The following MCC variants were observed in gnomAD, a reference collection of about 807,000 sequenced individuals.
MCC encodes the protein MCC regulator of Wnt signaling pathway.
MCC carries 90 observed loss-of-function variants against 116.2 expected under a neutral mutation model. The ratio of observed to expected loss-of-function variants is 0.77; its 90% CI spans 0.65 to 0.92. The LOEUF (loss-of-function observed/expected upper bound fraction) is 0.92, where lower values mean the gene tolerates loss of function less well. Among genes scored for constraint, MCC ranks in the 40% least tolerant of loss-of-function variants. The pLI is 0.00. For missense variants in MCC, 1,516 were observed against 1,312.2 expected (o/e 1.16, Z -2.40); for synonymous variants, 578 against 510.5 (o/e 1.13, Z -1.78).
chr5:113,214,516 G>C (rs990963735), intron 3 of MCC, among the ~76,000 whole-genome samples: 1 of 152,154 alleles, frequency 6.6e-6, no homozygotes, highest in South Asian at 2.1e-4. Flanking sequence ...ATGTGTACTA[G>C]ATCATAGGAG....
intron 16 of MCC, among the ~76,000 whole-genome samples, chr5:113,045,846 T>C (rs954552200): frequency 4.0e-5 from 6 of 151,042 alleles, no homozygotes; most frequent in African/African-American, 1.2e-4. Flanking sequence ...AACACAGCCA[T>C]GGCCACTGGT....
In MCC at chr5:113,171,387, A is replaced by C. The variant is rs146275371; in HGVS notation, c.628-19965T>G. Among the ~76,000 whole-genome samples the C allele has an allele frequency of 2.8e-3, 422 of 151,576 alleles. 3 individuals are homozygous for C. Among genetic ancestry groups the C allele is most frequent in the African/African-American group, 9.9e-3 (408 of 41,328 alleles). On this transcript the variant is annotated intron_variant, in intron 3 of 18. Coordinates refer to ENST00000408903, the MANE Select transcript of MCC (RefSeq NM_001085377.2). The stretch of plus-strand genomic sequence containing the variant: ...TTTTTAATTTTTGAGACAGAGTGTC[A>C]CTCTGTTGCCTAGGCTAGAGTGTAG...
At chr5:113,294,216 A>T in intron 3 of MCC, 1 of 1,330,296 alleles carries the variant, frequency 7.5e-7, no homozygotes, top group South Asian at 1.4e-5. Flanking sequence ...CTGCCTCCAG[A>T]CTGGGAGCAC....
At chr5:113,117,970 G>T (rs770635921) in intron 6 of MCC, among the ~76,000 whole-genome samples, 3 of 152,190 alleles carry the variant, frequency 2.0e-5, no homozygotes, top group Non-Finnish European at 4.4e-5. Flanking sequence ...ATCAACCACT[G>T]GCATGTCTTC....
chr5:113,391,278 G>C (rs1769394906), intron 1 of MCC, among the ~76,000 whole-genome samples: 1 of 152,174 alleles, frequency 6.6e-6, no homozygotes, highest in Non-Finnish European at 1.5e-5. Context: ...TATGCAGCAG[G>C]GGAGCTGCTG....
intron 3 of MCC, among the ~76,000 whole-genome samples, chr5:113,279,144 A>T (rs1765938554): frequency 8.6e-6 from 1 of 116,940 alleles, no homozygotes; most frequent in South Asian, 2.3e-4. Context: ...AACTGATCTC[A>T]GTAACTTCCC....
intron 13 of MCC, among the ~76,000 whole-genome samples, chr5:113,065,816 G>T (rs1355581003): frequency 1.3e-5 from 2 of 152,232 alleles, no homozygotes; most frequent in Non-Finnish European, 2.9e-5. Context: ...GGCACAGTAT[G>T]ATGGGCCAGC....
rs750412795 is a variant in MCC at position 113,068,084 on chromosome 5, G to A, written c.2025C>T (p.Ser675=). 7 of 1,613,710 alleles carry A rather than the reference G, an allele frequency of 4.3e-6. No homozygotes were observed. Among genetic ancestry groups the A allele is most frequent in the African/African-American group, 1.3e-5 (1 of 74,920 alleles). The change falls in exon 13 of 19, where the codon TCC becomes TCT. Residue 675 remains serine (S), a synonymous_variant. Coordinates refer to ENST00000408903, the MANE Select transcript of MCC (RefSeq NM_001085377.2). The stretch of plus-strand genomic sequence containing the variant: ...AGGGACTCTGGAGACACTTACCAGG[G>A]GAGGACCCCACGCCCGCCGCTCGGA... The part of the protein sequence containing the change: ...GQFRAAGVGS[S]PGDQSGDENI...
At chr5:113,423,201 A>G (rs10066163) in intron 1 of MCC, among the ~76,000 whole-genome samples, 17,766 of 152,142 alleles carry the variant, frequency 0.12, 1,825 homozygotes, top group African/African-American at 0.28. Flanking sequence ...TTTTGTTGAT[A>G]ACTTTGCTGT....
chr5:113,041,480 A>G (rs1044117957), intron 17 of MCC, among the ~76,000 whole-genome samples: 27 of 152,220 alleles, frequency 1.8e-4, no homozygotes, highest in African/African-American at 6.3e-4. Context: ...ATATTCTGCA[A>G]AAGGAAGAAG....
intron 2 of MCC, among the ~76,000 whole-genome samples, chr5:113,379,690 A>G (rs916667006): frequency 1.3e-5 from 2 of 152,244 alleles, no homozygotes; most frequent in African/African-American, 2.4e-5. Flanking sequence ...ACACATAAAA[A>G]TTTAAAAATA....
chr5:113,073,471 G>A (rs968709978), intron 11 of MCC, among the ~76,000 whole-genome samples: 2 of 152,166 alleles, frequency 1.3e-5, no homozygotes, highest in South Asian at 2.1e-4. Flanking sequence ...ATTACACTTC[G>A]AATAAAGAGT....
At chr5:113,062,700 C>T (rs577575118) in intron 14 of MCC, among the ~76,000 whole-genome samples, 1 of 152,220 alleles carries the variant, frequency 6.6e-6, no homozygotes, top group African/African-American at 2.4e-5. Flanking sequence ...CTGTGCTTCA[C>T]TGAATGAGAC....
chr5:113,283,012 T>C (rs1376736018), intron 3 of MCC, among the ~76,000 whole-genome samples: 1 of 152,212 alleles, frequency 6.6e-6, no homozygotes, highest in Non-Finnish European at 1.5e-5. Context: ...CTGACATTGC[T>C]AGTCAGGCCA....
intron 3 of MCC, among the ~76,000 whole-genome samples, chr5:113,239,228 G>A (rs1764266305): frequency 6.6e-6 from 1 of 152,178 alleles, no homozygotes; most frequent in Non-Finnish European, 1.5e-5. Flanking sequence ...CTGCCATACT[G>A]ATGACAAGAT....
At chr5:113,144,702 G>C (rs1030963028) in intron 4 of MCC, among the ~76,000 whole-genome samples, 7 of 152,226 alleles carry the variant, frequency 4.6e-5, no homozygotes, top group African/African-American at 1.7e-4. Flanking sequence ...CTCAACAACA[G>C]CTGGATCAGT....
intron 8 of MCC, among the ~76,000 whole-genome samples, chr5:113,088,462 C>T (rs1161153111): frequency 6.6e-6 from 1 of 150,766 alleles, no homozygotes; most frequent in African/African-American, 2.4e-5. Flanking sequence ...GTGAATGTGA[C>T]CGCATCTCAA....
At chr5:113,029,848 A>G (rs972917590) in intron 17 of MCC, among the ~76,000 whole-genome samples, 2 of 152,212 alleles carry the variant, frequency 1.3e-5, no homozygotes, top group African/African-American at 4.8e-5. Context: ...ACTTAGTAGC[A>G]CACTCAGCAC....
rs1027830340 is a variant in MCC, at chr5:113,238,058, A to T, written c.628-86636T>A. Among the ~76,000 whole-genome samples the T allele has an allele frequency of 3.3e-5, 5 of 152,348 alleles. 1 individual carries two copies. Among genetic ancestry groups the T allele is most frequent in the Admixed American group, 2.6e-4 (4 of 15,302 alleles). On this transcript the variant is annotated intron_variant, in intron 3 of 18. Coordinates refer to ENST00000408903, the MANE Select transcript of MCC (RefSeq NM_001085377.2). Reference sequence around the variant, plus strand: ...TCAAAAATTTCTGGCTGCAAGACTGATATCAGACAGACATCAAGAATGCAG... The same window carrying T: ...TCAAAAATTTCTGGCTGCAAGACTGTTATCAGACAGACATCAAGAATGCAG...
Sources: gnomAD v4.1 joint callset for allele counts (sites outside exome capture counted in the v4.1 genomes callset) on GRCh38, gnomAD v4.1.1 for gene constraint, MANE v1.5 for transcripts, NCBI Gene and HGNC (gene_info 2026-07-23, HGNC 2026-07-21) for gene names.